DLGAP1: variants seen among roughly 807,000 people sequenced by gnomAD.
DLGAP1 encodes the protein DLG associated protein 1, also known as disks large-associated protein 1.
Under a neutral mutation model 90.8 loss-of-function variants are expected in DLGAP1, and 11 were observed. The observed-to-expected ratio is 0.12, with a 90% CI of 0.08 to 0.20. DLGAP1 has a LOEUF of 0.20. Among genes scored for constraint, DLGAP1 ranks in the 10% least tolerant of loss-of-function variants. The pLI, the probability that DLGAP1 is intolerant of heterozygous loss-of-function variation, is 1.00. For synonymous variants in DLGAP1, 558 were observed against 540.7 expected (o/e 1.03, Z -0.44); for missense variants, 1,050 against 1,333.8 (o/e 0.79, Z 3.31).
intron 1 of DLGAP1, among the ~76,000 whole-genome samples, chr18:4,265,103 T>TTTCCTTCC (rs150589333): frequency 0.015 from 2,158 of 139,688 alleles, 67 homozygotes; most frequent in African/African-American, 0.055. Flanking sequence ...TAATGTAATT[T>TTTCCTTCC]TTCCTTCCTT....
intron 6 of DLGAP1, among the ~76,000 whole-genome samples, chr18:3,733,773 C>T (rs912367918): frequency 9.9e-5 from 15 of 152,146 alleles, no homozygotes; most frequent in Admixed American, 2.6e-4. Context: ...ATGTTTTATA[C>T]TTGAAAGTCA....
At position 4,343,286 on chromosome 18, in the gene DLGAP1, G is replaced by C. The variant is rs537884550; in HGVS notation, c.-267+111720C>G. Among the ~76,000 whole-genome samples the C allele has an allele frequency of 9.8e-5, 14 of 143,268 alleles. 2 individuals carry two copies. In the South Asian group the frequency reaches 2.9e-3, roughly 30 times the overall value. The allele number at this position is 143,268 out of a possible 152,430, so 94.0% of individuals were successfully genotyped here. ...CGTGCCACTGCACTCCAGCCTGGGCGACAGAGCAACACTCCTTCTCAAAAA... is the reference window on the plus strand; with the variant it reads ...CGTGCCACTGCACTCCAGCCTGGGCCACAGAGCAACACTCCTTCTCAAAAA... On this transcript the variant is annotated intron_variant, in intron 1 of 12. Coordinates refer to ENST00000315677, the MANE Select transcript of DLGAP1 (RefSeq NM_004746.4).
chr18:3,940,370 G>A (rs1487067990), intron 3 of DLGAP1, among the ~76,000 whole-genome samples: 1 of 152,190 alleles, frequency 6.6e-6, no homozygotes, highest in Non-Finnish European at 1.5e-5. Context: ...GAATCCCTGT[G>A]GGGTAACAAG....
At chr18:3,728,478 A>G (rs2062279535) in intron 7 of DLGAP1, among the ~76,000 whole-genome samples, 1 of 152,068 alleles carries the variant, frequency 6.6e-6, no homozygotes, top group Non-Finnish European at 1.5e-5. Context: ...TCCGTGCCTA[A>G]AATCTACTGA....
intron 3 of DLGAP1, among the ~76,000 whole-genome samples, chr18:3,940,519 C>G (rs1183510522): frequency 6.6e-6 from 1 of 152,200 alleles, no homozygotes; most frequent in Non-Finnish European, 1.5e-5. Context: ...AGTAAAAGGA[C>G]TGTCTGGCTT....
chr18:4,122,240 G>A (rs1457214604), intron 2 of DLGAP1, among the ~76,000 whole-genome samples: 1 of 152,162 alleles, frequency 6.6e-6, no homozygotes, highest in Non-Finnish European at 1.5e-5. Flanking sequence ...ATAGCAGGAG[G>A]GGTTATAGGA....
intron 1 of DLGAP1, chr18:4,264,758 A>T (rs2079070962): frequency 1.3e-5 from 2 of 152,226 alleles, no homozygotes; most frequent in African/African-American, 4.8e-5. Context: ...ATTAATGGAA[A>T]CCGAGGTTTT....
chr18:3,811,703 A>G (rs2066852488), intron 5 of DLGAP1, among the ~76,000 whole-genome samples: 1 of 152,180 alleles, frequency 6.6e-6, no homozygotes, highest in African/African-American at 2.4e-5. Flanking sequence ...CTGAGCAGTA[A>G]AAGAAATATA....
intron 10 of DLGAP1, among the ~76,000 whole-genome samples, chr18:3,523,224 A>G (rs2051330377): frequency 6.6e-6 from 1 of 151,678 alleles, no homozygotes; most frequent in African/African-American, 2.4e-5. Flanking sequence ...AAATACAAAA[A>G]AATTTAGCCG....
At chr18:3,973,804 T>TA (rs1475565678) in intron 3 of DLGAP1, among the ~76,000 whole-genome samples, 3 of 152,186 alleles carry the variant, frequency 2.0e-5, no homozygotes, top group Non-Finnish European at 2.9e-5. Flanking sequence ...CAGGAGAAGA[T>TA]AATACTGTAG....
At chr18:4,258,402 A>T (rs2078939477) in intron 1 of DLGAP1, among the ~76,000 whole-genome samples, 1 of 152,122 alleles carries the variant, frequency 6.6e-6, no homozygotes, top group Admixed American at 6.5e-5. Context: ...GCCCATTCCT[A>T]AAGTTTCCAT....
intron 5 of DLGAP1, among the ~76,000 whole-genome samples, chr18:3,754,443 C>T (rs754327993): frequency 2.6e-5 from 4 of 151,108 alleles, no homozygotes; most frequent in Non-Finnish European, 5.9e-5. Flanking sequence ...GGAAGATTTG[C>T]AACAATTTGA....
At chr18:4,412,591 A>T (rs533505045) in intron 1 of DLGAP1, among the ~76,000 whole-genome samples, 1 of 152,158 alleles carries the variant, frequency 6.6e-6, no homozygotes, top group African/African-American at 2.4e-5. Flanking sequence ...ATGGAGAAAC[A>T]TAAAGTTTAA....
chr18:4,012,414 A>T (rs1036182661), intron 2 of DLGAP1, among the ~76,000 whole-genome samples: 2 of 151,966 alleles, frequency 1.3e-5, no homozygotes, highest in African/African-American at 4.8e-5. Flanking sequence ...CACTGCAAAA[A>T]CATCTGCCAC....
At position 4,273,536 on chromosome 18, in the gene DLGAP1, G is replaced by A. The variant is rs185663102; in HGVS notation, c.-266-122249C>T. On this transcript the variant is annotated intron_variant, in intron 1 of 12. Coordinates refer to ENST00000315677, the MANE Select transcript of DLGAP1 (RefSeq NM_004746.4). ...TAGTTCAGTGTAACTTCAAACTCCC[G>A]GGCTCAAGCAATCCTCTCACCTCAG... Among the ~76,000 whole-genome samples, 11 of 152,280 alleles carry A rather than the reference G, an allele frequency of 7.2e-5. 1 individual carries two copies. The highest frequency in any genetic ancestry group is 1.0e-4 in the Non-Finnish European group (7 of 68,024).
At chr18:4,049,844 A>G (rs2075106824) in intron 2 of DLGAP1, among the ~76,000 whole-genome samples, 1 of 151,746 alleles carries the variant, frequency 6.6e-6, no homozygotes, top group African/African-American at 2.4e-5. Context: ...CCGCTCACCT[A>G]CCCAAACACC....
At chr18:4,201,654 T>C (rs2077608867) in intron 1 of DLGAP1, among the ~76,000 whole-genome samples, 1 of 151,984 alleles carries the variant, frequency 6.6e-6, no homozygotes, top group Non-Finnish European at 1.5e-5. Flanking sequence ...CATTAAAAAC[T>C]ATGGAAAAGA....
chr18:4,179,271 A>T (rs1393366998), intron 1 of DLGAP1, among the ~76,000 whole-genome samples: 2 of 152,130 alleles, frequency 1.3e-5, no homozygotes, highest in African/African-American at 4.8e-5. Context: ...TGTTCATAGG[A>T]ATCATCTGAG....
chr18:4,337,485 C>A (rs2143808100), intron 1 of DLGAP1, among the ~76,000 whole-genome samples: 1 of 152,086 alleles, frequency 6.6e-6, no homozygotes, highest in Non-Finnish European at 1.5e-5. Context: ...GCCACTGTGC[C>A]CGGCAAAGAG....
Sources: gnomAD v4.1 joint callset for allele counts (sites outside exome capture counted in the v4.1 genomes callset) on GRCh38, gnomAD v4.1.1 for gene constraint, MANE v1.5 for transcripts, NCBI Gene and HGNC (gene_info 2026-07-23, HGNC 2026-07-21) for gene names.